Variants in SLIT3 observed in about 807,000 individuals in gnomAD.
SLIT3 encodes slit homolog 3 protein.
Under a neutral mutation model 184.0 loss-of-function variants are expected in SLIT3, and 68 were observed. The observed-to-expected ratio is 0.37, with a 90% CI of 0.30 to 0.45. SLIT3 has a LOEUF of 0.45. Among genes scored for constraint, SLIT3 ranks in the 20% least tolerant of loss-of-function variants. SLIT3 has a pLI of 1.00. For synonymous variants in SLIT3, 831 were observed against 828.6 expected (o/e 1.00, Z -0.05); for missense variants, 1,707 against 2,026.0 (o/e 0.84, Z 3.02).
intron 4 of SLIT3, among the ~76,000 whole-genome samples, chr5:169,175,851 T>G (rs979309835): frequency 3.9e-5 from 6 of 152,186 alleles, no homozygotes; most frequent in Non-Finnish European, 8.8e-5. Flanking sequence ...GAGCTGCTCC[T>G]GCAGGGTGAG....
chr5:169,093,578 A>C (rs1320088561), intron 4 of SLIT3, among the ~76,000 whole-genome samples: 2 of 152,200 alleles, frequency 1.3e-5, no homozygotes, highest in Non-Finnish European at 2.9e-5. Context: ...AGATCCTTAC[A>C]ACCCTTCCTG....
chr5:169,296,729 G>A (rs573459799), intron 1 of SLIT3, among the ~76,000 whole-genome samples: 1 of 152,366 alleles, frequency 6.6e-6, no homozygotes, highest in East Asian at 1.9e-4. Context: ...TTGGAGTGAT[G>A]GAGAAAATTA....
chr5:168,988,774 C>T (rs1007919721), intron 4 of SLIT3, among the ~76,000 whole-genome samples: 1 of 146,276 alleles, frequency 6.8e-6, no homozygotes, highest in African/African-American at 2.6e-5. Flanking sequence ...AACTAGGAGA[C>T]CCCCCCCCAG....
chr5:169,115,899 C>G (rs1760644444), intron 4 of SLIT3, among the ~76,000 whole-genome samples: 1 of 152,144 alleles, frequency 6.6e-6, no homozygotes, highest in South Asian at 2.1e-4. Context: ...CAAGGGCCAC[C>G]CAGCATATCA....
At chr5:168,892,021 C>A (rs768944288) in intron 4 of SLIT3, among the ~76,000 whole-genome samples, 27 of 152,158 alleles carry the variant, frequency 1.8e-4, no homozygotes, top group Non-Finnish European at 3.1e-4. Context: ...AGATTTGTGA[C>A]CAGTGAGGAT....
chr5:169,290,037 A>C (rs1767289990), intron 1 of SLIT3, among the ~76,000 whole-genome samples: 1 of 150,394 alleles, frequency 6.6e-6, no homozygotes, highest in Non-Finnish European at 1.5e-5. Flanking sequence ...TAGAACGTAC[A>C]TTAGGGCATA....
At chr5:168,744,377 A>T (rs1443172863) in intron 20 of SLIT3, among the ~76,000 whole-genome samples, 10 of 152,262 alleles carry the variant, frequency 6.6e-5, no homozygotes, top group African/African-American at 2.2e-4. Context: ...AAGCTGTAGC[A>T]AGTTATCCAG....
chr5:168,897,647 T>TGCACGCACACACACACACACACACACAC (rs3223457), intron 4 of SLIT3, among the ~76,000 whole-genome samples: 1 of 141,414 alleles, frequency 7.1e-6, no homozygotes, highest in Non-Finnish European at 1.5e-5. Flanking sequence ...CAGGTGCACG[T>TGCACGCACACACACACACACACACACAC]ACACACACAC....
At chr5:169,263,478 G>A (rs1276114655) in intron 1 of SLIT3, 4 of 383,920 alleles carry the variant, frequency 1.0e-5, no homozygotes, top group East Asian at 2.5e-4. Flanking sequence ...AAGGAGCAAG[G>A]AAGGGCCCTC....
chr5:169,187,559 C>CTTTT (rs869169684), intron 4 of SLIT3, among the ~76,000 whole-genome samples: 2 of 55,754 alleles, frequency 3.6e-5, no homozygotes, highest in Non-Finnish European at 7.3e-5. Context: ...TTCTTTCTTT[C>CTTTT]TTTTTTTTTT....
At chr5:169,151,478 G>A (rs297829) in intron 4 of SLIT3, among the ~76,000 whole-genome samples, 97,786 of 152,162 alleles carry the variant, frequency 0.64, 32,495 homozygotes, top group African/African-American at 0.82. Flanking sequence ...CTTTGGCAGG[G>A]AGAAAAACCA....
chr5:169,068,749 C>A (rs1758440621), intron 4 of SLIT3, among the ~76,000 whole-genome samples: 1 of 152,016 alleles, frequency 6.6e-6, no homozygotes, highest in African/African-American at 2.4e-5. Context: ...GCACACACAA[C>A]ACAACCCACC....
chr5:169,271,239 T>C (rs372518200), intron 1 of SLIT3, among the ~76,000 whole-genome samples: 85 of 152,284 alleles, frequency 5.6e-4, no homozygotes, highest in African/African-American at 1.9e-3. Context: ...CATGTGCTAC[T>C]CCATCATGAA....
intron 4 of SLIT3, among the ~76,000 whole-genome samples, chr5:168,949,630 G>A (rs1034287920): frequency 3.9e-5 from 6 of 152,114 alleles, no homozygotes; most frequent in African/African-American, 9.7e-5. Context: ...GCAGGGGCTC[G>A]CTGTGTCGCC....
At position 169,276,055 on chromosome 5, in the gene SLIT3, C is replaced by T. The variant is rs118034471; in HGVS notation, c.197+24458G>A. ...GTCGGGGGAGTGACGCGAAGTCTTG[C>T]CTCCTCAATCCAAAAATGGTGAGCT... On this transcript the variant is annotated intron_variant, in intron 1 of 35. Transcript: ENST00000519560. 2.8e-4 allele frequency among the ~76,000 whole-genome samples: 43 copies of T among 152,138 alleles called. No individual in the cohort carries two copies. In the East Asian group the frequency reaches 8.1e-3, roughly 29 times the overall value.
At chr5:168,955,412 T>TC (rs1762794188) in intron 4 of SLIT3, among the ~76,000 whole-genome samples, 1 of 151,974 alleles carries the variant, frequency 6.6e-6, no homozygotes, top group Non-Finnish European at 1.5e-5. Flanking sequence ...CTCCCCACTC[T>TC]CCCTCCCCAC....
intron 8 of SLIT3, among the ~76,000 whole-genome samples, chr5:168,815,333 C>T (rs915175017): frequency 2.6e-5 from 4 of 152,150 alleles, no homozygotes; most frequent in Non-Finnish European, 5.9e-5. Flanking sequence ...CTTGCTGCAC[C>T]TTTGACAGGA....
At chr5:169,198,092 C>T (rs1708506201) in intron 3 of SLIT3, among the ~76,000 whole-genome samples, 2 of 152,228 alleles carry the variant, frequency 1.3e-5, no homozygotes, top group South Asian at 4.1e-4. Context: ...ACTCATCCGT[C>T]CAACCACCAT....
At chr5:168,849,963 C>T (rs777830781) in intron 5 of SLIT3, among the ~76,000 whole-genome samples, 8 of 151,798 alleles carry the variant, frequency 5.3e-5, no homozygotes, top group African/African-American at 7.3e-5. Context: ...AATCTAGAAG[C>T]GCTTTTGAAG....
Sources: gnomAD v4.1 joint callset for allele counts (sites outside exome capture counted in the v4.1 genomes callset) on GRCh38, gnomAD v4.1.1 for gene constraint, MANE v1.5 for transcripts, NCBI Gene and HGNC (gene_info 2026-07-23, HGNC 2026-07-21) for gene names.